The following SYNE1 variants were observed in gnomAD, a reference collection of about 807,000 sequenced individuals.
SYNE1 encodes the protein spectrin repeat containing nuclear envelope protein 1.
Under a neutral mutation model 1,111.0 loss-of-function variants are expected in SYNE1, and 616 were observed. The observed-to-expected ratio is 0.55, with a 90% CI of 0.52 to 0.59. The LOEUF (loss-of-function observed/expected upper bound fraction) is 0.59. Among genes scored for constraint, SYNE1 ranks in the 20% least tolerant of loss-of-function variants. SYNE1 has a pLI of 0.00. For synonymous variants in SYNE1, 3,855 were observed against 3,825.8 expected (o/e 1.01, Z -0.28); for missense variants, 10,006 against 10,417.0 (o/e 0.96, Z 1.72).
intron 125 of SYNE1, among the ~76,000 whole-genome samples, chr6:152,207,388 T>G (rs898422798): frequency 1.3e-5 from 2 of 152,162 alleles, no homozygotes; most frequent in Non-Finnish European, 2.9e-5. Context: ...CCTTCTCTGC[T>G]GGCAGGGGGC....
chr6:152,497,190 T>C (rs1158445525), intron 11 of SYNE1, among the ~76,000 whole-genome samples: 2 of 152,164 alleles, frequency 1.3e-5, no homozygotes, highest in Non-Finnish European at 2.9e-5. Context: ...ATCTTTTTAA[T>C]CTCCATCATC....
intron 4 of SYNE1, among the ~76,000 whole-genome samples, chr6:152,538,533 A>G (rs1016669353): frequency 1.3e-5 from 2 of 151,856 alleles, no homozygotes; most frequent in Admixed American, 1.3e-4. Flanking sequence ...GATTACTTTT[A>G]CTTTCTTTAC....
chr6:152,586,837 A>T (rs2099541084), intron 3 of SYNE1, among the ~76,000 whole-genome samples: 1 of 152,196 alleles, frequency 6.6e-6, no homozygotes, highest in African/African-American at 2.4e-5. Context: ...CATTCCTAGA[A>T]GACTCCCCCA....
At chr6:152,542,340 C>T (rs901320298) in intron 3 of SYNE1, among the ~76,000 whole-genome samples, 7 of 152,078 alleles carry the variant, frequency 4.6e-5, no homozygotes, top group African/African-American at 9.7e-5. Flanking sequence ...TGACAGAATC[C>T]ATGACCTCTA....
At chr6:152,379,610 T>A (rs2154112347) in intron 56 of SYNE1, among the ~76,000 whole-genome samples, 1 of 152,256 alleles carries the variant, frequency 6.6e-6, no homozygotes, top group African/African-American at 2.4e-5. Flanking sequence ...TTAGATAAAA[T>A]GCCATTATTA....
intron 95 of SYNE1, among the ~76,000 whole-genome samples, chr6:152,284,797 C>T (rs2094237364): frequency 6.6e-6 from 1 of 151,832 alleles, no homozygotes. Flanking sequence ...GTATTACTTT[C>T]TTCCTCAACA....
intron 4 of SYNE1, among the ~76,000 whole-genome samples, chr6:152,538,658 C>A (rs1435347398): frequency 6.6e-6 from 1 of 150,904 alleles, no homozygotes; most frequent in Admixed American, 6.6e-5. Flanking sequence ...TTTCCCCAAT[C>A]GATGACAATT....
At chr6:152,443,212 C>CA (rs1056931207) in intron 30 of SYNE1, among the ~76,000 whole-genome samples, 13 of 151,922 alleles carry the variant, frequency 8.6e-5, no homozygotes, top group African/African-American at 2.9e-4. Flanking sequence ...AATGGAAACC[C>CA]AAAAAACCAT....
intron 78 of SYNE1, 44 bp downstream of exon 78, chr6:152,329,686 T>C (rs774238980): frequency 1.3e-4 from 212 of 1,613,792 alleles, no homozygotes; most frequent in Non-Finnish European, 1.7e-4. Context: ...TGTTTACAAA[T>C]AAGCAGAGTG....
chr6:152,224,928 C>CAT (rs1554233319), intron 116 of SYNE1, among the ~76,000 whole-genome samples: 1 of 144,344 alleles, frequency 6.9e-6, no homozygotes, highest in Non-Finnish European at 1.5e-5. Context: ...TATATATATA[C>CAT]ATATATACAT....
chr6:152,424,210 AT>A (rs1030354317), intron 39 of SYNE1, among the ~76,000 whole-genome samples: 3 of 152,368 alleles, frequency 2.0e-5, no homozygotes, highest in African/African-American at 7.2e-5. Context: ...CATATTAAAA[AT>A]AATCCCTTAA....
intron 2 of SYNE1, among the ~76,000 whole-genome samples, chr6:152,630,506 C>T (rs535046184): frequency 6.6e-6 from 1 of 152,250 alleles, no homozygotes; most frequent in Admixed American, 6.5e-5. Flanking sequence ...TCCACCTGCC[C>T]ACATACAAAA....
At chr6:152,173,474 A>C (rs1340530734) in intron 130 of SYNE1, among the ~76,000 whole-genome samples, 1 of 152,236 alleles carries the variant, frequency 6.6e-6, no homozygotes, top group African/African-American at 2.4e-5. Flanking sequence ...TGGAAGAGGC[A>C]AGAGTGGTGA....
At chr6:152,269,587 A>G (rs973760208) in intron 98 of SYNE1, among the ~76,000 whole-genome samples, 4 of 152,142 alleles carry the variant, frequency 2.6e-5, no homozygotes, top group Non-Finnish European at 4.4e-5. Flanking sequence ...TTTTTTTTCC[A>G]CAAAAACATA....
rs546160664 is a variant in SYNE1 at position 152,589,063 on chromosome 6, C to T, written c.67+39202G>A. ...CTCCCTGGTTCAAGCAACCCCACCA[C>T]GCCCGGATCATTTTTGTGTTTTTAG... On this transcript the variant is annotated intron_variant, in intron 3 of 145. Transcript: ENST00000367255. 1.2e-4 allele frequency among the ~76,000 whole-genome samples: 19 copies of T among 152,120 alleles called. No homozygotes were observed. The Middle Eastern group carries it at 0.01, about 82-fold the overall frequency.
chr6:152,134,684 AAAC>A (rs1288989116), intron 142 of SYNE1: 9 of 218,652 alleles, frequency 4.1e-5, no homozygotes, highest in Non-Finnish European at 1.8e-5. Flanking sequence ...CTGTCTCAAA[AAAC>A]AACGACAACA....
intron 113 of SYNE1, 64 bp from the exon 114 acceptor site, chr6:152,231,631 G>A (rs1018622142): frequency 6.5e-7 from 1 of 1,541,664 alleles, no homozygotes; most frequent in Non-Finnish European, 8.9e-7. Flanking sequence ...CCAGGAGTTG[G>A]AAAGCCTTAA....
chr6:152,631,735 G>A (rs1386847753), intron 2 of SYNE1, among the ~76,000 whole-genome samples: 1 of 152,032 alleles, frequency 6.6e-6, no homozygotes, highest in Non-Finnish European at 1.5e-5. Context: ...GGTGGAGGTG[G>A]GTATAGGTAG....
intron 127 of SYNE1, among the ~76,000 whole-genome samples, chr6:152,191,677 A>G (rs1271799444): frequency 2.0e-5 from 3 of 151,790 alleles, no homozygotes; most frequent in Non-Finnish European, 4.4e-5. Context: ...TGGTTTGTCA[A>G]TTTATCTTTT....
Sources: gnomAD v4.1 joint callset for allele counts (sites outside exome capture counted in the v4.1 genomes callset) on GRCh38, gnomAD v4.1.1 for gene constraint, MANE v1.5 for transcripts, NCBI Gene and HGNC (gene_info 2026-07-23, HGNC 2026-07-21) for gene names.